The following NPL variants were observed in gnomAD, a reference collection of about 807,000 sequenced individuals.
The protein encoded by NPL is N-acetylneuraminate pyruvate lyase.
Under a neutral mutation model 41.1 loss-of-function variants are expected in NPL, and 32 were observed. The observed-to-expected ratio is 0.78, with a 90% CI of 0.59 to 1.05. The LOEUF (loss-of-function observed/expected upper bound fraction) is 1.05. NPL is among the 50% of genes least tolerant of loss of function. The probability of loss-of-function intolerance (pLI) is 0.00; values close to 1 mark genes in which losing one functional copy is unlikely to be tolerated. For synonymous variants in NPL, 128 were observed against 134.9 expected, an observed-to-expected ratio of 0.95 and a Z score of 0.35; for missense variants, 321 against 378.4, an observed-to-expected ratio of 0.85 and a Z score of 1.26.
chr1:182,814,562 A>C (rs1255730689), intron 6 of NPL, among the ~76,000 whole-genome samples: 1 of 152,340 alleles, frequency 6.6e-6, no homozygotes, highest in East Asian at 1.9e-4. Context: ...CAAAATATGA[A>C]GTATAAGATT....
intron 5 of NPL, among the ~76,000 whole-genome samples, chr1:182,806,983 C>T (rs978602583): frequency 3.9e-5 from 6 of 152,070 alleles, no homozygotes; most frequent in African/African-American, 1.2e-4. Context: ...GGACTACAGG[C>T]GCATGTCACC....
At chr1:182,799,142 A>G (rs1035871670) in intron 3 of NPL, among the ~76,000 whole-genome samples, 2 of 152,188 alleles carry the variant, frequency 1.3e-5, no homozygotes, top group Admixed American at 1.3e-4. Flanking sequence ...GAAAAATTCT[A>G]TTACCCTTTT....
intron 12 of NPL, among the ~76,000 whole-genome samples, chr1:182,827,221 T>C (rs556071163): frequency 7.9e-5 from 12 of 152,332 alleles, no homozygotes; most frequent in South Asian, 2.1e-4. Flanking sequence ...TCTTCTATCT[T>C]GAATCTGAAC....
At chr1:182,816,899 A>G in intron 8 of NPL, 93 bp downstream of exon 8, 1 of 944,938 alleles carries the variant, frequency 1.1e-6, no homozygotes, top group Non-Finnish European at 1.7e-6. Flanking sequence ...ACCCTACCCC[A>G]TGCCCCAAAA....
chr1:182,827,620 ATTTTT>A (rs980260380), intron 12 of NPL, among the ~76,000 whole-genome samples: 1 of 151,722 alleles, frequency 6.6e-6, no homozygotes, highest in Non-Finnish European at 1.5e-5. Context: ...AAATATATAT[ATTTTT>A]TTCAGTATTT....
chr1:182,803,637 C>A, intron 3 of NPL, 61 bp from the exon 4 acceptor site: 4 of 1,109,034 alleles, frequency 3.6e-6, no homozygotes, highest in Non-Finnish European at 5.5e-6. Context: ...TATACCTGAG[C>A]ATTTGTTGAA....
At chr1:182,790,234 C>T (rs192994856) in intron 1 of NPL, among the ~76,000 whole-genome samples, 1 of 152,254 alleles carries the variant, frequency 6.6e-6, no homozygotes, top group East Asian at 1.9e-4. Flanking sequence ...ATTCTCTGCC[C>T]AGAGGTACAT....
In NPL at chr1:182,818,272, G is replaced by A. The variant is rs369068535; in HGVS notation, c.458-269G>A. 4.6e-5 allele frequency among the ~76,000 whole-genome samples: 7 copies of A among 152,270 alleles called. No homozygotes were observed. The East Asian group carries it at 9.6e-4, about 21-fold the overall frequency. ...AGCACCCCTGTCTACAAGGTTTTGG[G>A]TACTTTGTCTCAGGAACCAGGGACT... On this transcript the variant is annotated intron_variant, in intron 8 of 12. Coordinates refer to ENST00000367553, the MANE Select transcript of NPL (RefSeq NM_030769.3).
chr1:182,796,552 C>A (rs1666672613), intron 3 of NPL, among the ~76,000 whole-genome samples: 1 of 152,194 alleles, frequency 6.6e-6, no homozygotes, highest in Non-Finnish European at 1.5e-5. Flanking sequence ...TTCCCTATAT[C>A]CTTTTTTCTT....
chr1:182,816,447 G>C (rs1667333407), intron 7 of NPL, among the ~76,000 whole-genome samples: 1 of 152,066 alleles, frequency 6.6e-6, no homozygotes, highest in Non-Finnish European at 1.5e-5. Flanking sequence ...TTAATATATG[G>C]GAAGGTTTTC....
In NPL at chr1:182,812,806, G is replaced by A. The variant is rs540693322; in HGVS notation, c.288+593G>A. On this transcript the variant is annotated intron_variant, in intron 6 of 12. Coordinates refer to ENST00000367553, the MANE Select transcript of NPL (RefSeq NM_030769.3). ...CACTTTAGAGATTAGCAGGTTAAGTGGAGCAGAGGCAAGAGAGGAAGGGGT... is the reference window on the plus strand; with the variant it reads ...CACTTTAGAGATTAGCAGGTTAAGTAGAGCAGAGGCAAGAGAGGAAGGGGT... 6.4e-4 allele frequency among the ~76,000 whole-genome samples: 98 copies of A among 152,198 alleles called. No homozygotes were observed. The Middle Eastern group carries it at 0.014, about 21-fold the overall frequency.
chr1:182,814,815 C>T lies in NPL; in HGVS notation c.321C>T (p.Gly107=). ...AQHAAEIGAD[G]IAVIAPFFLK... ...ATGCAGCAGAAATAGGAGCTGATGG[C>T]ATCGCTGTCATTGCACCGTTCTTCC... The change falls in exon 7 of 13, where the codon GGC becomes GGT. Residue 107 remains glycine, a synonymous_variant. Coordinates refer to ENST00000367553, the MANE Select transcript of NPL (RefSeq NM_030769.3). 1 of 1,614,070 alleles carries T rather than the reference C, an allele frequency of 6.2e-7. No individual in the cohort carries two copies. The highest frequency in any genetic ancestry group is 1.1e-5 in the South Asian group (1 of 91,080).
At chr1:182,823,764 G>A (rs1339989031) in intron 11 of NPL, among the ~76,000 whole-genome samples, 1 of 152,128 alleles carries the variant, frequency 6.6e-6, no homozygotes, top group Non-Finnish European at 1.5e-5. Context: ...TCTCTTATTG[G>A]TTAATCTAGT....
rs545072461 is a variant in NPL at position 182,828,337 on chromosome 1, A to G, written c.779-387A>G. Among the ~76,000 whole-genome samples, 130 of 152,264 alleles carry G rather than the reference A, an allele frequency of 8.5e-4. 1 individual carries two copies. The highest frequency in any genetic ancestry group is 2.9e-3 in the African/African-American group (121 of 41,548). On this transcript the variant is annotated intron_variant, in intron 12 of 12. Transcript: ENST00000367553. The surrounding 1 kb of genome is among the most constrained non-coding windows in gnomAD (Gnocchi z 4.0). ...TTAAACTAAATTTCATGCTGGCAAT[A>G]AAGTCCTACCTCCTTTGATCAACAA...
At position 182,830,283 on chromosome 1, in the gene NPL, T is replaced by C. The variant is rs1667732252; in HGVS notation, c.*1375T>C. ...AAAGAAGAAAATGAGTTGTTCGTTTTTGGTTCTGAGGATGTGATATCCGTA... is the reference window on the plus strand; with the variant it reads ...AAAGAAGAAAATGAGTTGTTCGTTTCTGGTTCTGAGGATGTGATATCCGTA... On this transcript the variant is annotated 3_prime_UTR_variant, in exon 13 of 13. Coordinates refer to ENST00000367553, the MANE Select transcript of NPL (RefSeq NM_030769.3). 1 of 152,232 alleles carries C rather than the reference T, an allele frequency of 6.6e-6. No individual in the cohort carries two copies. Among genetic ancestry groups the C allele is most frequent in the Non-Finnish European group, 1.5e-5 (1 of 68,042 alleles). The allele number at this position is 152,232 out of a possible 1,614,324, so 9.4% of individuals were successfully genotyped here. A position where few individuals can be genotyped will look rare whatever the true frequency, so the allele number is the denominator to read the frequency against.
intron 5 of NPL, chr1:182,806,524 G>C (rs1204172168): frequency 1.3e-6 from 2 of 1,536,090 alleles, no homozygotes; most frequent in Non-Finnish European, 8.7e-7. Context: ...CCGTCTTTGG[G>C]CTGAAAGGTA....
chr1:182,829,975 A>G lies in NPL; in HGVS notation c.*1067A>G. 1 of 220,848 alleles carries G rather than the reference A, an allele frequency of 4.5e-6. No individual in the cohort carries two copies. Among genetic ancestry groups the G allele is most frequent in the Non-Finnish European group, 8.9e-6 (1 of 112,546 alleles). 13.7% of individuals were successfully genotyped at this position (220,848 alleles called of 1,614,324 possible). A position where few individuals can be genotyped will look rare whatever the true frequency, so the allele number is the denominator to read the frequency against. On this transcript the variant is annotated 3_prime_UTR_variant, in exon 13 of 13. Transcript: ENST00000367553. ...GACAGTTAACCCTTACTGATTTTAAACTTGACTATCCAGTCTGTTAATTAC... is the reference window on the plus strand; with the variant it reads ...GACAGTTAACCCTTACTGATTTTAAGCTTGACTATCCAGTCTGTTAATTAC...
intron 10 of NPL, among the ~76,000 whole-genome samples, chr1:182,820,658 T>C (rs932200933): frequency 5.9e-5 from 9 of 152,134 alleles, no homozygotes; most frequent in Non-Finnish European, 1.3e-4. Flanking sequence ...CAGGCACATC[T>C]TACATGGCCA....
chr1:182,826,227 A>G, intron 12 of NPL: 1 of 235,836 alleles, frequency 4.2e-6, no homozygotes, highest in East Asian at 1.0e-4. Flanking sequence ...TACAATTTAA[A>G]CAGAGTTTAT....
Sources: gnomAD v4.1 joint callset for allele counts (sites outside exome capture counted in the v4.1 genomes callset) on GRCh38, gnomAD v4.1.1 for gene constraint, Gnocchi (gnomAD v3.1) non-coding constraint, MANE v1.5 for transcripts, NCBI Gene and HGNC (gene_info 2026-07-23, HGNC 2026-07-21) for gene names.